RNF216: variants seen among roughly 807,000 people sequenced by gnomAD.
The protein encoded by RNF216 is E3 ubiquitin-protein ligase RNF216.
In RNF216, 72 loss-of-function variants were observed where a neutral mutation model predicts 110.8. The observed-to-expected ratio is 0.65, with a 90% CI of 0.54 to 0.79. The LOEUF is 0.79. RNF216 is among the 30% of genes least tolerant of loss of function. The pLI is 0.00. For missense variants in RNF216, 1,342 were observed against 1,141.2 expected, an observed-to-expected ratio of 1.18 and a Z score of -2.54; for synonymous variants, 495 against 407.5, an observed-to-expected ratio of 1.21 and a Z score of -2.59.
At position 5,622,678 on chromosome 7, in the gene RNF216, T is replaced by G; in HGVS notation, c.*182A>C. 1 of 626,540 alleles carries G rather than the reference T, an allele frequency of 1.6e-6. No homozygotes were observed. Among genetic ancestry groups the G allele is most frequent in the Non-Finnish European group, 2.8e-6 (1 of 363,400 alleles). The allele number at this position is 626,540 out of a possible 1,614,324, so 38.8% of individuals were successfully genotyped here. ...ACTCCACCATTTGGGACGTCTTTAT[T>G]ATGGATCCGTCCACTCTTCCAGGAG... is the stretch of plus-strand genomic sequence containing the variant. On this transcript the variant is annotated 3_prime_UTR_variant, in exon 17 of 17. Transcript: ENST00000389902.
At chr7:5,658,786 G>C (rs1005968411) in intron 13 of RNF216, among the ~76,000 whole-genome samples, 1 of 151,758 alleles carries the variant, frequency 6.6e-6, no homozygotes, top group Admixed American at 6.6e-5. Flanking sequence ...TGTTACAACA[G>C]TAGCACACAT....
chr7:5,645,632 C>T (rs950904096), intron 14 of RNF216, among the ~76,000 whole-genome samples: 2 of 152,002 alleles, frequency 1.3e-5, no homozygotes, highest in African/African-American at 4.8e-5. Flanking sequence ...TGCTCTGTCC[C>T]CACGCTGGTG....
intron 13 of RNF216, among the ~76,000 whole-genome samples, chr7:5,652,838 C>G (rs1167107678): frequency 6.6e-6 from 1 of 152,008 alleles, no homozygotes; most frequent in Non-Finnish European, 1.5e-5. Context: ...TGGTAAGAAT[C>G]ATTAGAAGGA....
chr7:5,637,992 C>G (rs533060385), intron 15 of RNF216, among the ~76,000 whole-genome samples: 2 of 152,322 alleles, frequency 1.3e-5, no homozygotes, highest in Middle Eastern at 3.4e-3. Flanking sequence ...AGGCCCTCCC[C>G]GCAACAACCT....
At chr7:5,755,156 G>A (rs1019626131) in intron 2 of RNF216, among the ~76,000 whole-genome samples, 8 of 84,618 alleles carry the variant, frequency 9.5e-5, no homozygotes, top group South Asian at 7.0e-4. Context: ...AAAGAAGGAA[G>A]GAGAAAGGAA....
chr7:5,718,629 C>T (rs1793217147), intron 9 of RNF216, among the ~76,000 whole-genome samples: 1 of 151,692 alleles, frequency 6.6e-6, no homozygotes, highest in African/African-American at 2.4e-5. Context: ...TCACTGCAAC[C>T]AACCTCGACC....
intron 15 of RNF216, among the ~76,000 whole-genome samples, chr7:5,627,523 G>A (rs952887297): frequency 4.6e-5 from 7 of 152,260 alleles, no homozygotes; most frequent in Non-Finnish European, 5.9e-5. Context: ...TGAGGCAGGC[G>A]GACCACGAGG....
Position 5,739,312 on chromosome 7 carries a change from T to G in RNF216, c.1085A>C (p.Glu362Ala), listed in dbSNP as rs1228407939. ...ATAATAATTCTTAAAATGAATTATT[T>G]CCTCAATAAACCCATTTGCTACATC... ...FPDVANGFIE[E>A]IIHFKNYYDL... Residue 362 changes from glutamate to alanine, a missense_variant, in exon 5 of 17, where the codon GAA becomes GCA. Glu to Ala is a moderately radical substitution (Grantham distance 107). Transcript: ENST00000389902. 6.3e-7 allele frequency: 1 copy of G among 1,597,546 alleles called. No homozygotes were observed. Among genetic ancestry groups the G allele is most frequent in the Non-Finnish European group, 8.5e-7 (1 of 1,175,230 alleles).
At chr7:5,632,266 C>A (rs949814246) in intron 15 of RNF216, among the ~76,000 whole-genome samples, 7 of 152,220 alleles carry the variant, frequency 4.6e-5, no homozygotes, top group Admixed American at 4.6e-4. Context: ...CATGGTGCAT[C>A]CCCTCGAGGG....
intron 13 of RNF216, among the ~76,000 whole-genome samples, chr7:5,707,652 G>C (rs1221775669): frequency 6.6e-6 from 1 of 151,228 alleles, no homozygotes; most frequent in Non-Finnish European, 1.5e-5. Flanking sequence ...CATGGAAGTG[G>C]TGACAGTGAT....
chr7:5,759,090 C>A (rs1007624191), intron 2 of RNF216, among the ~76,000 whole-genome samples: 1 of 152,130 alleles, frequency 6.6e-6, no homozygotes, highest in Non-Finnish European at 1.5e-5. Flanking sequence ...CTTGTGAGAT[C>A]TGGTTGTTTA....
At chr7:5,774,175 G>GT (rs1796650364) in intron 1 of RNF216, among the ~76,000 whole-genome samples, 1 of 32,698 alleles carries the variant, frequency 3.1e-5, no homozygotes, top group African/African-American at 1.5e-4. Context: ...TACTGCCTAT[G>GT]TTTAAATCTT....
At chr7:5,754,453 C>G (rs1795508260) in intron 2 of RNF216, among the ~76,000 whole-genome samples, 1 of 152,002 alleles carries the variant, frequency 6.6e-6, no homozygotes, top group Admixed American at 6.6e-5. Context: ...GCATGAGCCA[C>G]CATGCCTGAC....
intron 3 of RNF216, among the ~76,000 whole-genome samples, chr7:5,746,635 TC>T (rs1332243438): frequency 1.3e-5 from 2 of 152,124 alleles, no homozygotes; most frequent in African/African-American, 4.8e-5. Context: ...GCCAACGTCA[TC>T]CCGGTCCTGA....
Position 5,673,167 on chromosome 7 carries a change from C to T in RNF216, c.2062-20657G>A, listed in dbSNP as rs567984791. 7.9e-5 allele frequency among the ~76,000 whole-genome samples: 12 copies of T among 152,262 alleles called. No homozygotes were observed. The South Asian group carries it at 1.5e-3, about 18-fold the overall frequency. ...CAAATGCCCCACCTGCGGGCAGTACCGCACTGGTCACCAGCACCACCCCAA... is the reference window on the plus strand; with the variant it reads ...CAAATGCCCCACCTGCGGGCAGTACTGCACTGGTCACCAGCACCACCCCAA... On this transcript the variant is annotated intron_variant, in intron 13 of 16. Coordinates refer to ENST00000389902, the MANE Select transcript of RNF216 (RefSeq NM_207111.4).
chr7:5,704,495 G>T (rs1241489481), intron 13 of RNF216, among the ~76,000 whole-genome samples: 1 of 152,216 alleles, frequency 6.6e-6, no homozygotes, highest in Non-Finnish European at 1.5e-5. Context: ...TAATAACATG[G>T]ACTTCTTAGA....
intron 13 of RNF216, among the ~76,000 whole-genome samples, chr7:5,672,904 C>T (rs941983516): frequency 2.0e-5 from 3 of 152,134 alleles, no homozygotes; most frequent in Admixed American, 6.5e-5. Context: ...TGGATTCTAT[C>T]GTTTGACCAA....
At chr7:5,772,824 C>T (rs867115865) in intron 1 of RNF216, among the ~76,000 whole-genome samples, 6 of 146,442 alleles carry the variant, frequency 4.1e-5, no homozygotes, top group South Asian at 2.1e-4. Flanking sequence ...GTCATCCAGG[C>T]TAGAGTGCAA....
At chr7:5,634,034 GAACAGTAA>G (rs2128561259) in intron 15 of RNF216, among the ~76,000 whole-genome samples, 1 of 152,354 alleles carries the variant, frequency 6.6e-6, no homozygotes, top group Non-Finnish European at 1.5e-5. Flanking sequence ...AATCAGATAT[GAACAGTAA>G]TCAGCAGCCA....
Sources: allele counts gnomAD v4.1 joint callset (sites outside exome capture counted in the v4.1 genomes callset), GRCh38; gene constraint gnomAD v4.1.1; transcripts MANE v1.5; gene names NCBI Gene and HGNC (gene_info 2026-07-23, HGNC 2026-07-21).